PXDNL: variants seen among roughly 807,000 people sequenced by gnomAD.
PXDNL encodes the protein peroxidasin like.
A neutral mutation model predicts 150.8 loss-of-function variants in PXDNL; 145 were observed. The observed-to-expected ratio is 0.96, with a 90% CI of 0.84 to 1.10. PXDNL has a LOEUF of 1.10. Among genes scored for constraint, PXDNL ranks in the 50% least tolerant of loss-of-function variants. The pLI is 0.00. For missense variants in PXDNL, 2,087 were observed against 1,873.9 expected (o/e 1.11, Z -2.10); for synonymous variants, 757 against 725.7 (o/e 1.04, Z -0.69).
At chr8:51,540,199 A>G (rs150127445) in intron 4 of PXDNL, among the ~76,000 whole-genome samples, 334 of 152,214 alleles carry the variant, frequency 2.2e-3, no homozygotes, top group African/African-American at 7.7e-3. Context: ...AGTCTGGACC[A>G]GTTATCTCTC....
At chr8:51,686,790 T>G (rs1025528177) in intron 1 of PXDNL, among the ~76,000 whole-genome samples, 1 of 152,038 alleles carries the variant, frequency 6.6e-6, no homozygotes, top group African/African-American at 2.4e-5. Context: ...AATGATTACT[T>G]CAAAAGATAT....
chr8:51,380,656 C>A (rs1041226663), intron 17 of PXDNL, among the ~76,000 whole-genome samples: 1 of 152,070 alleles, frequency 6.6e-6, no homozygotes, highest in East Asian at 1.9e-4. Context: ...TTATCTTTTT[C>A]TTATGTTATT....
At chr8:51,714,391 T>C (rs1816564144) in intron 1 of PXDNL, among the ~76,000 whole-genome samples, 1 of 152,234 alleles carries the variant, frequency 6.6e-6, no homozygotes, top group African/African-American at 2.4e-5. Flanking sequence ...CTATTACCAC[T>C]ATACTGTTGG....
chr8:51,326,104 C>T (rs10958261), intron 21 of PXDNL, among the ~76,000 whole-genome samples: 1 of 151,950 alleles, frequency 6.6e-6, no homozygotes, highest in Non-Finnish European at 1.5e-5. Context: ...TTCCTGGAGC[C>T]CAAGGTCCCT....
intron 3 of PXDNL, among the ~76,000 whole-genome samples, chr8:51,566,760 G>T (rs1405735883): frequency 6.7e-6 from 1 of 150,056 alleles, no homozygotes; most frequent in Non-Finnish European, 1.5e-5. Context: ...TCAAATTTCT[G>T]TATTGTTTCC....
intron 1 of PXDNL, among the ~76,000 whole-genome samples, chr8:51,737,483 A>G (rs1224219561): frequency 6.6e-6 from 1 of 152,238 alleles, no homozygotes; most frequent in Non-Finnish European, 1.5e-5. Flanking sequence ...TTCTTCAATG[A>G]ATAAAGGAAT....
intron 2 of PXDNL, among the ~76,000 whole-genome samples, chr8:51,643,073 C>T (rs992322814): frequency 2.0e-5 from 3 of 152,152 alleles, no homozygotes; most frequent in African/African-American, 7.2e-5. Context: ...ATATTCCATG[C>T]TCATGGGTAG....
intron 1 of PXDNL, among the ~76,000 whole-genome samples, chr8:51,694,423 C>G (rs946560470): frequency 8.5e-5 from 13 of 152,170 alleles, no homozygotes; most frequent in African/African-American, 2.9e-4. Flanking sequence ...AGGGATCACT[C>G]ACATTCAAGC....
chr8:51,663,703 T>A (rs1815323648), intron 1 of PXDNL, among the ~76,000 whole-genome samples: 1 of 152,126 alleles, frequency 6.6e-6, no homozygotes, highest in African/African-American at 2.4e-5. Context: ...GCTACATACC[T>A]GGTTCTACCA....
chr8:51,694,497 C>A (rs1344844217), intron 1 of PXDNL, among the ~76,000 whole-genome samples: 1 of 152,218 alleles, frequency 6.6e-6, no homozygotes, highest in Non-Finnish European at 1.5e-5. Context: ...TTTACAGTAA[C>A]CCTTCATCAA....
In PXDNL at chr8:51,659,904, T is replaced by C. The variant is rs1208508760; in HGVS notation, c.165-5144A>G. On this transcript the variant is annotated intron_variant, in intron 1 of 22. Coordinates refer to ENST00000356297, the MANE Select transcript of PXDNL (RefSeq NM_144651.5). ...ATTTATTTATTTATTTATTTATTTA[T>C]TTTGAGAAGGAGTCTTGCTCTTGTC... 5.5e-5 allele frequency among the ~76,000 whole-genome samples: 8 copies of C among 144,892 alleles called. No individual in the cohort carries two copies. The East Asian group carries it at 1.6e-3, about 29-fold the overall frequency.
At chr8:51,588,183 C>A (rs993602400) in intron 3 of PXDNL, among the ~76,000 whole-genome samples, 5 of 152,080 alleles carry the variant, frequency 3.3e-5, no homozygotes, top group East Asian at 1.9e-4. Context: ...AATAAAAGAG[C>A]AATGGATCAA....
intron 1 of PXDNL, among the ~76,000 whole-genome samples, chr8:51,680,326 A>G: frequency 6.6e-6 from 1 of 152,152 alleles, no homozygotes. Context: ...AACTAGGAGT[A>G]ATACTCTTTG....
chr8:51,369,522 A>G (rs891318702), intron 19 of PXDNL, among the ~76,000 whole-genome samples: 1 of 152,172 alleles, frequency 6.6e-6, no homozygotes, highest in African/African-American at 2.4e-5. Flanking sequence ...GTACACGGAA[A>G]AATACACATG....
At chr8:51,650,587 T>C (rs944929773) in intron 2 of PXDNL, among the ~76,000 whole-genome samples, 3 of 152,144 alleles carry the variant, frequency 2.0e-5, no homozygotes, top group African/African-American at 7.2e-5. Context: ...CTGTTGCTTG[T>C]GGAAATTGCC....
At chr8:51,641,960 T>C (rs1189912133) in intron 2 of PXDNL, among the ~76,000 whole-genome samples, 1 of 152,092 alleles carries the variant, frequency 6.6e-6, no homozygotes, top group Non-Finnish European at 1.5e-5. Context: ...CCAACCCAAA[T>C]GTCCAACAAT....
intron 1 of PXDNL, among the ~76,000 whole-genome samples, chr8:51,739,862 C>T (rs540017643): frequency 1.1e-4 from 13 of 118,140 alleles, no homozygotes; most frequent in East Asian, 4.9e-4. Flanking sequence ...AGAAAAAGAG[C>T]GAGATTCTGT....
intron 2 of PXDNL, among the ~76,000 whole-genome samples, chr8:51,605,893 C>T (rs1813830269): frequency 6.6e-6 from 1 of 152,196 alleles, no homozygotes; most frequent in Non-Finnish European, 1.5e-5. Context: ...GTCTGATTCT[C>T]TTGCTCTTGC....
chr8:51,780,251 C>T (rs1347141411), intron 1 of PXDNL, among the ~76,000 whole-genome samples: 1 of 152,108 alleles, frequency 6.6e-6, no homozygotes, highest in Non-Finnish European at 1.5e-5. Flanking sequence ...CTCCTAGGAC[C>T]TGCTGATTCC....
Sources: allele counts gnomAD v4.1 joint callset (sites outside exome capture counted in the v4.1 genomes callset), GRCh38; gene constraint gnomAD v4.1.1; transcripts MANE v1.5; gene names NCBI Gene and HGNC (gene_info 2026-07-23, HGNC 2026-07-21).